Variants in DPY19L4 observed in about 807,000 individuals in gnomAD.
DPY19L4 encodes dpy-19 like 4, also known as probable C-mannosyltransferase DPY19L4.
DPY19L4 carries 97 observed loss-of-function variants against 102.8 expected under a neutral mutation model. That is an observed-to-expected ratio of 0.94 (90% CI 0.80 to 1.12). The LOEUF (loss-of-function observed/expected upper bound fraction) is 1.12, where lower values mean the gene tolerates loss of function less well. Ranked by LOEUF, DPY19L4 falls within the 50% of genes most tolerant of loss-of-function variation. The pLI, the probability that DPY19L4 is intolerant of heterozygous loss-of-function variation, is 0.00. For missense variants in DPY19L4, 815 were observed against 850.4 expected, an observed-to-expected ratio of 0.96 and a Z score of 0.52; for synonymous variants, 252 against 283.1, an observed-to-expected ratio of 0.89 and a Z score of 1.10.
intron 6 of DPY19L4, chr8:94,744,777 T>C: frequency 2.9e-6 from 1 of 341,568 alleles, no homozygotes; most frequent in South Asian, 2.4e-5. Flanking sequence ...GAAGTCTGAC[T>C]GCCTTATTTG....
intron 13 of DPY19L4, among the ~76,000 whole-genome samples, chr8:94,775,281 C>T (rs1020893389): frequency 5.3e-5 from 8 of 152,026 alleles, no homozygotes; most frequent in African/African-American, 1.9e-4. Context: ...AAGCTATTCT[C>T]CTGCCTCAGC....
chr8:94,777,129 C>T (rs578065078), intron 13 of DPY19L4, among the ~76,000 whole-genome samples: 4 of 151,964 alleles, frequency 2.6e-5, no homozygotes, highest in South Asian at 4.2e-4. Context: ...TACAGTGGTG[C>T]GATCTCAGCT....
chr8:94,774,082 C>T (rs368430698), intron 13 of DPY19L4, among the ~76,000 whole-genome samples: 33 of 150,674 alleles, frequency 2.2e-4, no homozygotes, highest in African/African-American at 7.1e-4. Flanking sequence ...CTCGTTCTGT[C>T]GCCCAGACTG....
chr8:94,780,296 A>G (rs879134701), intron 14 of DPY19L4, 63 bp from the exon 15 acceptor site: 6 of 1,252,414 alleles, frequency 4.8e-6, no homozygotes, highest in African/African-American at 3.0e-5. Flanking sequence ...ATCAGTGTCT[A>G]TTACCTCTAA....
intron 2 of DPY19L4, among the ~76,000 whole-genome samples, chr8:94,728,957 G>A (rs74831260): frequency 0.027 from 4,132 of 152,050 alleles, 97 homozygotes; most frequent in Non-Finnish European, 0.045. Context: ...TGAGGCAGAG[G>A]ATTGCTTGAG....
At chr8:94,733,118 CTTTTT>C (rs34879619) in intron 2 of DPY19L4, among the ~76,000 whole-genome samples, 2 of 76,326 alleles carry the variant, frequency 2.6e-5, no homozygotes, top group African/African-American at 5.9e-5. Flanking sequence ...TCATCTTAAC[CTTTTT>C]TTTTTTTTTT....
intron 8 of DPY19L4, among the ~76,000 whole-genome samples, chr8:94,764,637 T>A (rs1204442948): frequency 2.1e-5 from 3 of 140,718 alleles, no homozygotes; most frequent in South Asian, 4.5e-4. Flanking sequence ...TACATATATA[T>A]TATATATATA....
chr8:94,753,856 G>C (rs1812049501), intron 6 of DPY19L4, among the ~76,000 whole-genome samples: 1 of 152,078 alleles, frequency 6.6e-6, no homozygotes, highest in Non-Finnish European at 1.5e-5. Context: ...CTGGGCGACA[G>C]AGCAAGACTC....
rs1366709348 is a variant in DPY19L4 at position 94,727,647 on chromosome 8, A to G, written c.127+1206A>G. The stretch of plus-strand genomic sequence containing the variant: ...CATAGGCTTCCAAATTTCCACTCCA[A>G]CAGAGTCACACAGGATGGGCCTGAT... On this transcript the variant is annotated intron_variant, in intron 2 of 18. Transcript: ENST00000414645. 3.3e-5 allele frequency among the ~76,000 whole-genome samples: 5 copies of G among 152,196 alleles called. No individual in the cohort carries two copies. In the East Asian group the frequency reaches 5.8e-4, roughly 18 times the overall value.
intron 6 of DPY19L4, 77 bp from the exon 7 acceptor site, chr8:94,755,959 G>A: frequency 7.0e-6 from 10 of 1,422,450 alleles, no homozygotes; most frequent in Non-Finnish European, 9.6e-6. Flanking sequence ...TGAGATTTGT[G>A]TTAAAGTACT....
chr8:94,763,513 C>A lies in DPY19L4; in HGVS notation c.871-1670C>A, dbSNP rs1488989673. On this transcript the variant is annotated intron_variant, in intron 8 of 18. Transcript: ENST00000414645. ...GTGCCACCATGCCCGTCTGATTTTT[C>A]TTTTCTTTTTTTTTTTTCTTTTTTT... Among the ~76,000 whole-genome samples the A allele has an allele frequency of 2.3e-5, 3 of 129,346 alleles. No homozygotes were observed. The Admixed American group carries it at 2.4e-4, about 10-fold the overall frequency. 84.9% of individuals were successfully genotyped at this position (129,346 alleles called of 152,430 possible). A position where few individuals can be genotyped will look rare whatever the true frequency, so the allele number is the denominator to read the frequency against.
chr8:94,742,320 T>C (rs1190191536), intron 6 of DPY19L4, among the ~76,000 whole-genome samples: 1 of 151,580 alleles, frequency 6.6e-6, no homozygotes, highest in Admixed American at 6.6e-5. Context: ...ATCTCGCCAC[T>C]GCACTCCAGC....
intron 6 of DPY19L4, chr8:94,745,060 T>C (rs1811610495): frequency 6.3e-6 from 1 of 158,566 alleles, no homozygotes; most frequent in African/African-American, 2.4e-5. Flanking sequence ...TAAAAAGATA[T>C]TAAAGTCATT....
intron 13 of DPY19L4, among the ~76,000 whole-genome samples, chr8:94,776,963 C>CAAA (rs60781801): frequency 1.4e-3 from 132 of 94,510 alleles, no homozygotes; most frequent in South Asian, 2.8e-3. Flanking sequence ...GACTCCGCTT[C>CAAA]AAAAAAAAAA....
At position 94,739,492 on chromosome 8, in the gene DPY19L4, G is replaced by T. The variant is rs771036654; in HGVS notation, c.423G>T (p.Pro141=). 3 of 1,608,056 alleles carry T rather than the reference G, an allele frequency of 1.9e-6. No individual in the cohort carries two copies. The highest frequency in any genetic ancestry group is 1.7e-4 in the Middle Eastern group (1 of 6,022). Residue 141 remains proline (P), a synonymous_variant, in exon 5 of 19, where the codon CCG becomes CCT. Coordinates refer to ENST00000414645, the MANE Select transcript of DPY19L4 (RefSeq NM_181787.3). ...CAGTGCAGCAAATGTCTCTGTATCC[G>T]GAACTTATTGCTAGCATTTTATATC... The part of the protein sequence containing the change: ...INAVQQMSLY[P]ELIASILYQA...
chr8:94,735,295 T>A (rs1229216713), intron 3 of DPY19L4, among the ~76,000 whole-genome samples: 1 of 152,222 alleles, frequency 6.6e-6, no homozygotes, highest in Non-Finnish European at 1.5e-5. Context: ...AAAGTCCTCT[T>A]GGCTTTGTAG....
In DPY19L4 at chr8:94,765,313, A is replaced by G. The variant is rs934197674; in HGVS notation, c.1001A>G (p.Gln334Arg). 28 of 1,589,222 alleles carry G rather than the reference A, an allele frequency of 1.8e-5. No individual in the cohort carries two copies. Among genetic ancestry groups the G allele is most frequent in the African/African-American group, 2.7e-5 (2 of 72,826 alleles). Reference protein sequence around the residue: ...VAALMLAKCLQLNVKKGSFVA... With the variant: ...VAALMLAKCLRLNVKKGSFVA... Reference sequence around the variant, plus strand: ...GCCTTAATGCTTGCTAAGTGCCTTCAGGTAACTAGAATTATCTTTTTATTG... The same window carrying G: ...GCCTTAATGCTTGCTAAGTGCCTTCGGGTAACTAGAATTATCTTTTTATTG... The change falls in exon 9 of 19, where the codon CAG (glutamine) becomes CGG (arginine). Residue 334 changes from glutamine (Q) to arginine (R), a missense_variant and splice_region_variant. Gln to Arg is a conservative substitution (Grantham distance 43, BLOSUM62 1). Coordinates refer to ENST00000414645, the MANE Select transcript of DPY19L4 (RefSeq NM_181787.3).
intron 6 of DPY19L4, chr8:94,744,795 T>C (rs13279429): frequency 0.15 from 48,696 of 330,566 alleles, 4,750 homozygotes; most frequent in African/African-American, 0.33. Flanking sequence ...TTGATGTCAC[T>C]GATGTATGTT....
intron 1 of DPY19L4, among the ~76,000 whole-genome samples, chr8:94,725,208 A>T (rs1025987779): frequency 1.3e-5 from 2 of 152,220 alleles, no homozygotes; most frequent in African/African-American, 2.4e-5. Flanking sequence ...TGAAGTTATT[A>T]CTAAGAGAAA....
Sources: allele counts gnomAD v4.1 joint callset (sites outside exome capture counted in the v4.1 genomes callset), GRCh38; gene constraint gnomAD v4.1.1; transcripts MANE v1.5; gene names NCBI Gene and HGNC (gene_info 2026-07-23, HGNC 2026-07-21).